Variants in ACADSB observed in about 807,000 individuals in gnomAD.
ACADSB encodes acyl-CoA dehydrogenase short/branched chain.
ACADSB carries 40 observed loss-of-function variants against 54.1 expected under a neutral mutation model. The ratio of observed to expected loss-of-function variants is 0.74; its 90% CI spans 0.57 to 0.96. The LOEUF is 0.96. Ranked by LOEUF, ACADSB falls within the 40% of genes least tolerant of loss-of-function variation. The pLI is 0.00. For missense variants in ACADSB, 530 were observed against 510.4 expected (o/e 1.04, Z -0.37); for synonymous variants, 182 against 182.8 (o/e 1.00, Z 0.03).
intron 1 of ACADSB, among the ~76,000 whole-genome samples, chr10:123,016,068 AG>A (rs1850106167): frequency 6.6e-6 from 1 of 152,142 alleles, no homozygotes; most frequent in Admixed American, 6.5e-5. Context: ...AAAGTAATTT[AG>A]GGTGACAGAA....
intron 7 of ACADSB, among the ~76,000 whole-genome samples, chr10:123,045,472 G>A (rs78602246): frequency 0.013 from 1,964 of 151,910 alleles, 42 homozygotes; most frequent in African/African-American, 0.045. Context: ...GAGCCACCGC[G>A]CCCGGCGTTT....
In ACADSB at chr10:123,047,297, A is replaced by C; in HGVS notation, c.989A>C (p.Gln330Pro). 1 of 1,561,684 alleles carries C rather than the reference A, an allele frequency of 6.4e-7. No homozygotes were observed. ...IQFGKRLFDF[Q>P]GLQHQVAHVA... is the part of the protein sequence containing the mutation. ...TTTGGCAAAAGACTATTTGATTTTC[A>C]GGTATGTAATTATTAGGGTCTTTCT... The change falls in exon 8 of 11, where the codon CAG becomes CCG. Residue 330 changes from glutamine to proline, a missense_variant and splice_region_variant. Gln to Pro is a moderately conservative substitution (Grantham distance 76, BLOSUM62 -1). Coordinates refer to ENST00000358776, the MANE Select transcript of ACADSB (RefSeq NM_001609.4).
At chr10:123,015,917 G>A (rs1240575788) in intron 1 of ACADSB, among the ~76,000 whole-genome samples, 1 of 152,174 alleles carries the variant, frequency 6.6e-6, no homozygotes, top group Non-Finnish European at 1.5e-5. Flanking sequence ...TGATAGCACC[G>A]ATGATCAGAA....
intron 1 of ACADSB, among the ~76,000 whole-genome samples, chr10:123,014,814 G>A (rs1324197032): frequency 2.6e-5 from 4 of 152,192 alleles, no homozygotes; most frequent in Non-Finnish European, 4.4e-5. Context: ...AGAGGGGTGC[G>A]GATTCCAGGG....
At chr10:123,025,892 C>T (rs995033904) in intron 1 of ACADSB, among the ~76,000 whole-genome samples, 1 of 152,108 alleles carries the variant, frequency 6.6e-6, no homozygotes, top group Non-Finnish European at 1.5e-5. Flanking sequence ...GAAACCCTGT[C>T]TCTACTAAAA....
intron 1 of ACADSB, among the ~76,000 whole-genome samples, chr10:123,013,886 T>G (rs1042478664): frequency 1.3e-5 from 2 of 152,078 alleles, no homozygotes; most frequent in Non-Finnish European, 1.5e-5. Flanking sequence ...TGCCTCTCCC[T>G]CCACACCTCC....
In ACADSB at chr10:123,041,365, G is replaced by A; in HGVS notation, c.667G>A (p.Val223Ile). The A allele has an allele frequency of 1.9e-6, 3 of 1,614,170 alleles. No homozygotes were observed. Among genetic ancestry groups the A allele is most frequent in the African/African-American group, 1.3e-5 (1 of 75,046 alleles). ...AGGGCTCTTTCTGGTGATGGCAAAT[G>A]TAGACCCTACCATTGTAAGTTTGAA... ...HAGLFLVMANVDPTIGYKGIT... is the reference protein window; with the variant it reads ...HAGLFLVMANIDPTIGYKGIT... Residue 223 changes from valine to isoleucine, a missense_variant, in exon 5 of 11, where the codon GTA becomes ATA. Transcript: ENST00000358776.
chr10:123,028,076 G>A (rs1434140365), intron 1 of ACADSB, among the ~76,000 whole-genome samples: 1 of 152,084 alleles, frequency 6.6e-6, no homozygotes, highest in African/African-American at 2.4e-5. Flanking sequence ...ATTCATCTGG[G>A]TATGCCCAGT....
chr10:123,018,472 A>C (rs765411388), intron 1 of ACADSB, among the ~76,000 whole-genome samples: 27 of 152,202 alleles, frequency 1.8e-4, no homozygotes, highest in Non-Finnish European at 3.4e-4. Context: ...TAGATGGGAA[A>C]GGTTGCGTTT....
chr10:123,057,499 G>A lies in ACADSB; in HGVS notation c.*3734G>A, dbSNP rs1850723311. 6.6e-6 allele frequency: 1 copy of A among 152,058 alleles called. No individual in the cohort carries two copies. Among genetic ancestry groups the A allele is most frequent in the African/African-American group, 2.4e-5 (1 of 41,414 alleles). The allele number at this position is 152,058 out of a possible 1,614,324, so 9.4% of individuals were successfully genotyped here. A position where few individuals can be genotyped will look rare whatever the true frequency, so the allele number is the denominator to read the frequency against. Reference sequence around the variant, plus strand: ...CTTTAAAACTATCTATCTTGCATTTGTGTCTGGCGGAGAACTAGCCATCAG... The same window carrying A: ...CTTTAAAACTATCTATCTTGCATTTATGTCTGGCGGAGAACTAGCCATCAG... On this transcript the variant is annotated 3_prime_UTR_variant, in exon 11 of 11. Coordinates refer to ENST00000358776, the MANE Select transcript of ACADSB (RefSeq NM_001609.4).
rs184570164 is a variant in ACADSB at position 123,012,836 on chromosome 10, G to A, written c.42+3765G>A. Reference sequence around the variant, plus strand: ...GCTTCCACAGTGTGGAAGGGGACCCGATTGGATTGCCACTGCTGGCTCGGC... The same window carrying A: ...GCTTCCACAGTGTGGAAGGGGACCCAATTGGATTGCCACTGCTGGCTCGGC... On this transcript the variant is annotated intron_variant, in intron 1 of 10. Transcript: ENST00000358776. 1.1e-4 allele frequency among the ~76,000 whole-genome samples: 17 copies of A among 152,304 alleles called. No homozygotes were observed. The East Asian group carries it at 3.3e-3, about 29-fold the overall frequency.
intron 1 of ACADSB, among the ~76,000 whole-genome samples, chr10:123,032,543 G>A (rs1850339980): frequency 6.6e-6 from 1 of 150,708 alleles, no homozygotes; most frequent in Admixed American, 6.6e-5. Context: ...GAGCGGACTT[G>A]GCCCCCATGC....
chr10:123,014,932 G>A (rs900268414), intron 1 of ACADSB, among the ~76,000 whole-genome samples: 5 of 152,192 alleles, frequency 3.3e-5, no homozygotes, highest in Non-Finnish European at 7.3e-5. Flanking sequence ...GGTGGAATGG[G>A]TTCAGATGGT....
At chr10:123,016,605 G>T (rs913157785) in intron 1 of ACADSB, among the ~76,000 whole-genome samples, 1 of 152,206 alleles carries the variant, frequency 6.6e-6, no homozygotes, top group Admixed American at 6.5e-5. Flanking sequence ...TGCTTTAAGA[G>T]CTATAAATGC....
At chr10:123,012,645 A>G (rs9423309) in intron 1 of ACADSB, among the ~76,000 whole-genome samples, 86,686 of 151,460 alleles carry the variant, frequency 0.57, 26,286 homozygotes, top group Non-Finnish European at 0.69. Context: ...TACAGCTCTT[A>G]AGGCGGCACA....
intron 5 of ACADSB, among the ~76,000 whole-genome samples, chr10:123,042,627 T>C (rs1850490341): frequency 6.6e-6 from 1 of 151,906 alleles, no homozygotes; most frequent in African/African-American, 2.4e-5. Context: ...TTTGTATTTT[T>C]AGTAGAGACG....
intron 2 of ACADSB, 33 bp from the exon 3 acceptor site, chr10:123,037,714 A>T (rs776022449): frequency 1.9e-5 from 28 of 1,461,404 alleles, no homozygotes; most frequent in Non-Finnish European, 2.4e-5. Flanking sequence ...TGTCACTTTA[A>T]CATAGACTTA....
In ACADSB at chr10:123,056,679, C is replaced by A. The variant is rs939642614; in HGVS notation, c.*2914C>A. The A allele has an allele frequency of 6.6e-6, 1 of 152,206 alleles. No individual in the cohort carries two copies. The highest frequency in any genetic ancestry group is 2.4e-5 in the African/African-American group (1 of 41,448). The allele number at this position is 152,206 out of a possible 1,614,324, so 9.4% of individuals were successfully genotyped here. ...GGAACATGTGTTAGAGATGAAGAAT[C>A]TTCCAAGGCTCATGCAGTTGCTTAG... On this transcript the variant is annotated 3_prime_UTR_variant, in exon 11 of 11. Coordinates refer to ENST00000358776, the MANE Select transcript of ACADSB (RefSeq NM_001609.4).
At chr10:123,024,875 C>T (rs1850230588) in intron 1 of ACADSB, among the ~76,000 whole-genome samples, 2 of 152,208 alleles carry the variant, frequency 1.3e-5, no homozygotes, top group African/African-American at 4.8e-5. Flanking sequence ...AGTATAGTTA[C>T]AAAATTATTT....
Sources: allele counts gnomAD v4.1 joint callset (sites outside exome capture counted in the v4.1 genomes callset), GRCh38; gene constraint gnomAD v4.1.1; transcripts MANE v1.5; gene names NCBI Gene and HGNC (gene_info 2026-07-23, HGNC 2026-07-21).